NME8: variants seen among roughly 807,000 people sequenced by gnomAD.
NME8 encodes protein NME8.
In NME8, 72 loss-of-function variants were observed where a neutral mutation model predicts 82.3. The observed-to-expected ratio is 0.87, with a 90% CI of 0.72 to 1.06. The LOEUF is 1.06. NME8 is among the 50% of genes least tolerant of loss of function. NME8 has a pLI of 0.00. For missense variants in NME8, 712 were observed against 685.4 expected (o/e 1.04, Z -0.43); for synonymous variants, 267 against 228.5 (o/e 1.17, Z -1.52).
intron 14 of NME8, 43 bp from the exon 15 acceptor site, chr7:37,888,234 T>G (rs374179412): frequency 1.5e-5 from 23 of 1,585,250 alleles, no homozygotes; most frequent in Non-Finnish European, 2.0e-5. Context: ...TATATTATTC[T>G]GTTCTGTTCT....
At chr7:37,875,610 A>G (rs1417434681) in intron 11 of NME8, among the ~76,000 whole-genome samples, 1 of 151,928 alleles carries the variant, frequency 6.6e-6, no homozygotes, top group Non-Finnish European at 1.5e-5. Context: ...AACTTTTCTC[A>G]TCTATATTCT....
intron 5 of NME8, among the ~76,000 whole-genome samples, chr7:37,855,525 C>G (rs1784497758): frequency 4.3e-5 from 1 of 23,352 alleles, no homozygotes; most frequent in Admixed American, 3.7e-4. Flanking sequence ...CCACCAAATC[C>G]CAAGTTAGGG....
chr7:37,879,046 T>G (rs988440191), intron 12 of NME8, among the ~76,000 whole-genome samples: 12 of 152,144 alleles, frequency 7.9e-5, no homozygotes, highest in Non-Finnish European at 1.6e-4. Flanking sequence ...TCCTAACCCC[T>G]GGCAACCACT....
Position 37,894,473 on chromosome 7 carries a change from C to A in NME8, c.1407C>A (p.Ile469=), listed in dbSNP as rs752103774. 3 of 1,612,704 alleles carry A rather than the reference C, an allele frequency of 1.9e-6. No homozygotes were observed. Among genetic ancestry groups the A allele is most frequent in the Non-Finnish European group, 8.5e-7 (1 of 1,179,112 alleles). ...PHATSEQREQ[I]LKIVKEAGFD... The stretch of plus-strand genomic sequence containing the variant: ...AATATTTGTTTTTCTTAGAGCAGAT[C>A]CTGAAGATAGTTAAGGAGGCTGGAT... Residue 469 remains isoleucine, a synonymous_variant, in exon 16 of 18, where the codon ATC becomes ATA. Transcript: ENST00000199447.
chr7:37,882,567 GAA>G (rs1260895837), intron 12 of NME8, among the ~76,000 whole-genome samples: 1 of 31,268 alleles, frequency 3.2e-5, no homozygotes, highest in Non-Finnish European at 7.0e-5. Context: ...AAGAAAGAAA[GAA>G]AGAAAGAAAG....
chr7:37,896,362 G>C (rs771303493), intron 16 of NME8, among the ~76,000 whole-genome samples: 33 of 136,066 alleles, frequency 2.4e-4, no homozygotes, highest in Admixed American at 2.3e-4. Flanking sequence ...ATGACGGCAA[G>C]TCAAGATGTA....
intron 9 of NME8, among the ~76,000 whole-genome samples, chr7:37,865,096 G>A (rs1161279918): frequency 6.6e-6 from 1 of 152,136 alleles, no homozygotes; most frequent in African/African-American, 2.4e-5. Context: ...AACGAATCAT[G>A]GTTTCTCAAT....
intron 5 of NME8, among the ~76,000 whole-genome samples, chr7:37,854,044 G>T (rs978622324): frequency 6.6e-6 from 1 of 150,764 alleles, no homozygotes; most frequent in Non-Finnish European, 1.5e-5. Context: ...GGAGTTAGGG[G>T]TGCTAACCCC....
chr7:37,875,096 C>G (rs1784827061), intron 11 of NME8, among the ~76,000 whole-genome samples: 1 of 152,058 alleles, frequency 6.6e-6, no homozygotes, highest in Non-Finnish European at 1.5e-5. Context: ...TGAAACCATC[C>G]AAAATGAAGG....
intron 12 of NME8, among the ~76,000 whole-genome samples, chr7:37,880,835 A>G (rs1489345850): frequency 6.6e-6 from 1 of 151,802 alleles, no homozygotes; most frequent in Non-Finnish European, 1.5e-5. Context: ...AGTTTTCTTC[A>G]TTTAGATTCT....
intron 16 of NME8, among the ~76,000 whole-genome samples, chr7:37,895,880 G>A (rs1785220453): frequency 6.6e-6 from 1 of 152,156 alleles, no homozygotes; most frequent in African/African-American, 2.4e-5. Context: ...GGAGCCATAG[G>A]CTGAACCAGA....
At chr7:37,882,617 A>AGAGAGAG (rs1562838383) in intron 12 of NME8, among the ~76,000 whole-genome samples, 1 of 42,844 alleles carries the variant, frequency 2.3e-5, no homozygotes, top group Admixed American at 2.3e-4. Flanking sequence ...GAGAGAGAGA[A>AGAGAGAG]AGAAAGAAAG....
chr7:37,896,552 C>T (rs1351515978), intron 16 of NME8, among the ~76,000 whole-genome samples: 1 of 152,172 alleles, frequency 6.6e-6, no homozygotes, highest in Non-Finnish European at 1.5e-5. Flanking sequence ...ATCCCTGAAG[C>T]GGTTAGAGGC....
chr7:37,892,921 CTTTTA>C (rs1785153432), intron 15 of NME8, among the ~76,000 whole-genome samples: 1 of 151,704 alleles, frequency 6.6e-6, no homozygotes, highest in Non-Finnish European at 1.5e-5. Flanking sequence ...CTTTCTCTTT[CTTTTA>C]TTTATTTCTT....
chr7:37,871,131 G>T lies in NME8; in HGVS notation c.818+3233G>T, dbSNP rs182195891. On this transcript the variant is annotated intron_variant, in intron 11 of 17. Coordinates refer to ENST00000199447, the MANE Select transcript of NME8 (RefSeq NM_016616.5). The stretch of plus-strand genomic sequence containing the variant: ...GTTAAAAGCAGAGCAATTGAACTGG[G>T]AGTGATTGGTGACCCCTCTGCGTAC... Among the ~76,000 whole-genome samples the T allele has an allele frequency of 5.0e-3, 766 of 152,322 alleles. 4 individuals are homozygous for T. The highest frequency in any genetic ancestry group is 0.017 in the African/African-American group (719 of 41,584).
chr7:37,884,210 G>A, intron 12 of NME8, 93 bp from the exon 13 acceptor site: 1 of 889,920 alleles, frequency 1.1e-6, no homozygotes, highest in Non-Finnish European at 1.8e-6. Flanking sequence ...AGAATAAAGT[G>A]CATTGTATGC....
chr7:37,896,014 C>A (rs1785223260), intron 16 of NME8, among the ~76,000 whole-genome samples: 2 of 152,176 alleles, frequency 1.3e-5, no homozygotes, highest in South Asian at 4.2e-4. Flanking sequence ...TTAAGAGGTA[C>A]ATGACTGTAC....
intron 14 of NME8, among the ~76,000 whole-genome samples, chr7:37,887,860 A>G (rs1308367939): frequency 1.3e-5 from 2 of 152,192 alleles, no homozygotes; most frequent in East Asian, 3.9e-4. Flanking sequence ...AAACCATCAG[A>G]TCTTCTGAGA....
At chr7:37,851,601 T>C (rs751870589) in intron 5 of NME8, among the ~76,000 whole-genome samples, 4 of 152,220 alleles carry the variant, frequency 2.6e-5, no homozygotes, top group South Asian at 2.1e-4. Context: ...ATTGATTACA[T>C]GTTGAAATGA....
Sources: gnomAD v4.1 joint callset for allele counts (sites outside exome capture counted in the v4.1 genomes callset) on GRCh38, gnomAD v4.1.1 for gene constraint, MANE v1.5 for transcripts, NCBI Gene and HGNC (gene_info 2026-07-23, HGNC 2026-07-21) for gene names.